Variants in ZNF536 observed in about 807,000 individuals in gnomAD.
ZNF536 encodes the protein zinc finger protein 536.
A neutral mutation model predicts 84.5 loss-of-function variants in ZNF536; 13 were observed. The observed-to-expected ratio is 0.15, with a 90% CI of 0.10 to 0.24. The LOEUF is 0.24. Ranked by LOEUF, ZNF536 falls within the 10% of genes least tolerant of loss-of-function variation. The pLI, the probability that ZNF536 is intolerant of heterozygous loss-of-function variation, is 1.00. For missense variants in ZNF536, 1,536 were observed against 1,747.5 expected (o/e 0.88, Z 2.16); for synonymous variants, 811 against 742.5 (o/e 1.09, Z -1.50).
intron 2 of ZNF536, among the ~76,000 whole-genome samples, chr19:30,511,058 C>T (rs1006173512): frequency 1.3e-4 from 20 of 152,194 alleles, no homozygotes; most frequent in Admixed American, 1.0e-3. Context: ...GGATGACCAT[C>T]ACCACTTGAG....
At chr19:30,319,168 C>T (rs559164532) in intron 2 of ZNF536, among the ~76,000 whole-genome samples, 49 of 152,294 alleles carry the variant, frequency 3.2e-4, no homozygotes, top group Admixed American at 1.8e-3. Context: ...TTACAGGGTC[C>T]GCACGCTCTA....
At chr19:30,254,439 G>A (rs1424600598) in intron 1 of ZNF536, among the ~76,000 whole-genome samples, 1 of 152,078 alleles carries the variant, frequency 6.6e-6, no homozygotes, top group African/African-American at 2.4e-5. Context: ...CATACGCACG[G>A]TGTTTTTCCA....
chr19:30,669,570 A>T (rs1477912799), intron 1 of ZNF536, among the ~76,000 whole-genome samples: 1 of 151,928 alleles, frequency 6.6e-6, no homozygotes, highest in East Asian at 1.9e-4. Flanking sequence ...GGAGAATCCC[A>T]CTCTCCTGCT....
chr19:30,283,740 AGG>A (rs916726647), intron 1 of ZNF536, among the ~76,000 whole-genome samples: 15 of 141,594 alleles, frequency 1.1e-4, no homozygotes, highest in African/African-American at 4.2e-4. Flanking sequence ...AGAGAGAGAG[AGG>A]GAGAGAGAGA....
intron 1 of ZNF536, among the ~76,000 whole-genome samples, chr19:30,565,020 C>T (rs763132426): frequency 3.3e-5 from 5 of 152,188 alleles, no homozygotes; most frequent in Non-Finnish European, 5.9e-5. Flanking sequence ...ATCGCCTTGT[C>T]CGGGAAGAAC....
chr19:30,545,555 G>T (rs543905768), intron 3 of ZNF536, among the ~76,000 whole-genome samples: 1 of 151,684 alleles, frequency 6.6e-6, no homozygotes, highest in South Asian at 2.1e-4. Context: ...CCACCACCAC[G>T]CCCGGCTAAT....
chr19:30,583,109 G>C (rs1468427853), intron 1 of ZNF536, among the ~76,000 whole-genome samples: 1 of 152,140 alleles, frequency 6.6e-6, no homozygotes, highest in African/African-American at 2.4e-5. Flanking sequence ...GACCTCTGTA[G>C]GCCTAAGGTT....
intron 1 of ZNF536, among the ~76,000 whole-genome samples, chr19:30,696,807 G>GAAAT (rs2051680119): frequency 6.6e-6 from 1 of 152,130 alleles, no homozygotes; most frequent in African/African-American, 2.4e-5. Flanking sequence ...GCTCCTCTCT[G>GAAAT]CTGATGCCCT....
intron 2 of ZNF536, among the ~76,000 whole-genome samples, chr19:30,470,526 CAGAAA>C (rs1157641476): frequency 1.3e-5 from 2 of 150,114 alleles, no homozygotes; most frequent in Non-Finnish European, 3.0e-5. Context: ...TTCAGATTTA[CAGAAA>C]CATTGAGTGG....
At chr19:30,381,567 G>C (rs1049329261) in intron 1 of ZNF536, among the ~76,000 whole-genome samples, 1 of 152,202 alleles carries the variant, frequency 6.6e-6, no homozygotes, top group African/African-American at 2.4e-5. Flanking sequence ...GGCCTGGCAC[G>C]CTGGAGGATT....
chr19:30,353,927 T>C (rs2048014643), intron 3 of ZNF536, among the ~76,000 whole-genome samples: 1 of 152,164 alleles, frequency 6.6e-6, no homozygotes, highest in African/African-American at 2.4e-5. Flanking sequence ...AGGGTAAGAC[T>C]GGCTTCCTCC....
chr19:30,342,426 A>C (rs939665354), intron 2 of ZNF536, among the ~76,000 whole-genome samples: 3 of 152,196 alleles, frequency 2.0e-5, no homozygotes, highest in Non-Finnish European at 4.4e-5. Flanking sequence ...ACAAATGTGG[A>C]CTTGGGGTTG....
At position 30,445,049 on chromosome 19, in the gene ZNF536, C is replaced by T. The variant is rs1430300403; in HGVS notation, c.1487C>T (p.Pro496Leu). 6.2e-7 allele frequency: 1 copy of T among 1,613,536 alleles called. No homozygotes were observed. The highest frequency in any genetic ancestry group is 2.2e-5 in the East Asian group (1 of 44,854). ...CTCCTGGGATGCCTCAATCTCGTGC[C>T]GCCGCTGAAATCCAGCTGCATCGAG... ...HSLLGCLNLV[P>L]PLKSSCIERL... The change falls in exon 2 of 5, where the codon CCG (proline) becomes CTG (leucine). Residue 496 changes from proline (P) to leucine (L), a missense_variant. Transcript: ENST00000355537. This position sits in a 1 kb window ranked among gnomAD's most constrained non-coding sequence, Gnocchi z 4.5.
At chr19:30,672,615 A>T (rs1159013933) in intron 1 of ZNF536, among the ~76,000 whole-genome samples, 1 of 152,220 alleles carries the variant, frequency 6.6e-6, no homozygotes, top group South Asian at 2.1e-4. Flanking sequence ...TGTTAGTAAG[A>T]GCATGGGGGA....
intron 1 of ZNF536, among the ~76,000 whole-genome samples, chr19:30,238,480 C>G (rs759373372): frequency 3.9e-5 from 6 of 152,108 alleles, no homozygotes; most frequent in Admixed American, 2.0e-4. Flanking sequence ...AAAACACATA[C>G]ATGCACACAA....
intron 2 of ZNF536, among the ~76,000 whole-genome samples, chr19:30,524,711 C>G (rs966112215): frequency 6.6e-6 from 1 of 152,152 alleles, no homozygotes; most frequent in Admixed American, 6.5e-5. Context: ...TCCTCCACCC[C>G]CACCCAAACA....
chr19:30,406,026 C>G (rs567598751), intron 1 of ZNF536, among the ~76,000 whole-genome samples: 1 of 152,206 alleles, frequency 6.6e-6, no homozygotes, highest in Non-Finnish European at 1.5e-5. Context: ...ATCCACCCAC[C>G]TTGGCCTCCC....
chr19:30,574,360 C>T (rs945551019), intron 1 of ZNF536, among the ~76,000 whole-genome samples: 1 of 152,222 alleles, frequency 6.6e-6, no homozygotes, highest in African/African-American at 2.4e-5. Flanking sequence ...GTGGGTTCCT[C>T]TGCAAAGAAA....
chr19:30,495,034 A>C lies in ZNF536; in HGVS notation c.2171-39813A>C, dbSNP rs1270148478. On this transcript the variant is annotated intron_variant, in intron 2 of 4. Transcript: ENST00000355537. ...TCTTTGTGAATATTTCCAAGATTAC[A>C]CATTATGGCCAAAAGCCTAACTGTG... is the stretch of plus-strand genomic sequence containing the variant. 3.3e-5 allele frequency among the ~76,000 whole-genome samples: 5 copies of C among 152,136 alleles called. No homozygotes were observed. The South Asian group carries it at 6.2e-4, about 19-fold the overall frequency.
Sources: allele counts gnomAD v4.1 joint callset (sites outside exome capture counted in the v4.1 genomes callset), GRCh38; gene constraint gnomAD v4.1.1; non-coding constraint Gnocchi (gnomAD v3.1); transcripts MANE v1.5; gene names NCBI Gene and HGNC (gene_info 2026-07-23, HGNC 2026-07-21).